The following SSBP3 variants were observed in gnomAD, a reference collection of about 807,000 sequenced individuals.
SSBP3 encodes single-stranded DNA-binding protein 3.
A neutral mutation model predicts 69.6 loss-of-function variants in SSBP3; 5 were observed. The observed-to-expected ratio is 0.07, with a 90% CI of 0.04 to 0.15. The LOEUF (loss-of-function observed/expected upper bound fraction) is 0.15, where lower values mean the gene tolerates loss of function less well. SSBP3 is among the 10% of genes least tolerant of loss of function. The pLI is 1.00. For synonymous variants in SSBP3, 196 were observed against 193.4 expected, an observed-to-expected ratio of 1.01 and a Z score of -0.11; for missense variants, 312 against 534.0, an observed-to-expected ratio of 0.58 and a Z score of 4.10.
intron 14 of SSBP3, among the ~76,000 whole-genome samples, chr1:54,232,207 T>G (rs1644391758): frequency 6.6e-6 from 1 of 152,220 alleles, no homozygotes; most frequent in Non-Finnish European, 1.5e-5. Context: ...TTGATATGTA[T>G]GAGGAAAAAT....
In SSBP3 at chr1:54,239,499, T is replaced by A. The variant is rs142781098; in HGVS notation, c.857-300A>T. On this transcript the variant is annotated intron_variant, in intron 13 of 17. Transcript: ENST00000610401. ...TCCCCAGACACTGCCTGGGACAACA[T>A]GGGGGCAGCAGAACCACCACCTGTG... Among the ~76,000 whole-genome samples, 593 of 152,098 alleles carry A rather than the reference T, an allele frequency of 3.9e-3. 4 individuals carry two copies. The highest frequency in any genetic ancestry group is 0.014 in the African/African-American group (562 of 41,442).
intron 4 of SSBP3, among the ~76,000 whole-genome samples, chr1:54,300,055 A>G (rs1281773999): frequency 6.6e-6 from 1 of 152,190 alleles, no homozygotes; most frequent in Non-Finnish European, 1.5e-5. Context: ...AATCAGTGAC[A>G]CCATCCAATC....
chr1:54,285,747 C>G (rs12092353), intron 4 of SSBP3, among the ~76,000 whole-genome samples: 11,955 of 152,152 alleles, frequency 0.079, 877 homozygotes, highest in African/African-American at 0.18. Context: ...AAAACCAAAA[C>G]CCCTGAAAAC....
At chr1:54,404,454 G>A (rs1649545805) in intron 3 of SSBP3, 122 bp downstream of exon 3, 15 of 1,215,942 alleles carry the variant, frequency 1.2e-5, no homozygotes, top group East Asian at 7.1e-5. Context: ...GAGGTGCCCC[G>A]CTCTGTGCAA....
chr1:54,400,725 C>T (rs1649235238), intron 4 of SSBP3, among the ~76,000 whole-genome samples: 1 of 152,252 alleles, frequency 6.6e-6, no homozygotes, highest in African/African-American at 2.4e-5. Flanking sequence ...CCACCTGAGT[C>T]TCTAACTCCT....
intron 5 of SSBP3, among the ~76,000 whole-genome samples, chr1:54,275,660 CACT>C (rs756899604): frequency 4.6e-5 from 7 of 152,240 alleles, no homozygotes; most frequent in Non-Finnish European, 7.3e-5. Flanking sequence ...TAGTTACCAC[CACT>C]GTCAAACAGC....
At chr1:54,227,411 G>A (rs940869812) in intron 17 of SSBP3, among the ~76,000 whole-genome samples, 1 of 152,116 alleles carries the variant, frequency 6.6e-6, no homozygotes, top group African/African-American at 2.4e-5. Context: ...TAAGGCAGCT[G>A]ACGGCGCCTC....
chr1:54,234,149 C>A (rs1031206494), intron 14 of SSBP3, among the ~76,000 whole-genome samples: 4 of 151,512 alleles, frequency 2.6e-5, no homozygotes, highest in African/African-American at 9.7e-5. Context: ...TTGAAGGCAG[C>A]ATGCTCGTTA....
chr1:54,273,599 C>T (rs1645233546), intron 5 of SSBP3, among the ~76,000 whole-genome samples: 1 of 152,238 alleles, frequency 6.6e-6, no homozygotes, highest in South Asian at 2.1e-4. Context: ...TCTTCCCTCT[C>T]CTCTGCCCCA....
Position 54,242,241 on chromosome 1 carries a change from A to G in SSBP3, c.717-29T>C, listed in dbSNP as rs115387950. 1.9e-3 allele frequency: 3,065 copies of G among 1,613,374 alleles called. 47 individuals are homozygous for G. In the African/African-American group the frequency reaches 0.035, roughly 18 times the overall value. ...AGAGAGGGAGAAAGAGATGTGGACA[A>G]TGAAAAAGGCGCTGTAAACTCCAAG... is the stretch of plus-strand genomic sequence containing the variant. On this transcript the variant is annotated intron_variant, in intron 10 of 17. Coordinates refer to ENST00000610401, the Ensembl canonical transcript of SSBP3.
chr1:54,263,192 C>T (rs1369473209), intron 5 of SSBP3, among the ~76,000 whole-genome samples: 1 of 152,150 alleles, frequency 6.6e-6, no homozygotes. Context: ...ACACTGACAG[C>T]GTGGGGAGCA....
chr1:54,232,888 C>T (rs1390157510), intron 14 of SSBP3, among the ~76,000 whole-genome samples: 2 of 152,276 alleles, frequency 1.3e-5, no homozygotes, highest in African/African-American at 2.4e-5. Context: ...CAGTGCTCAA[C>T]GGTGCCCAGG....
At chr1:54,298,464 C>T (rs1645740811) in intron 4 of SSBP3, among the ~76,000 whole-genome samples, 1 of 152,246 alleles carries the variant, frequency 6.6e-6, no homozygotes, top group Non-Finnish European at 1.5e-5. Flanking sequence ...TCAGTAAATA[C>T]AAACCACAGA....
chr1:54,383,444 C>A (rs901311197), intron 4 of SSBP3, among the ~76,000 whole-genome samples: 3 of 151,850 alleles, frequency 2.0e-5, no homozygotes, highest in African/African-American at 7.3e-5. Context: ...GTGGCTAGAC[C>A]CTCCCTGAAG....
intron 4 of SSBP3, among the ~76,000 whole-genome samples, chr1:54,393,757 A>C (rs1648662611): frequency 6.6e-6 from 1 of 152,136 alleles, no homozygotes; most frequent in Admixed American, 6.5e-5. Context: ...ATAAAGGCAT[A>C]CTTTATTTTT....
Position 54,228,219 on chromosome 1 carries a change from T to A in SSBP3, c.1137+36A>T, listed in dbSNP as rs770366367. ...TTGTTAGGAAAGAGTCCCCAGGCCG[T>A]GGGGACGAGAGCAACAGGCAGGGGG... On this transcript the variant is annotated intron_variant, in intron 17 of 17. Transcript: ENST00000610401. 3.8e-6 allele frequency: 6 copies of A among 1,590,230 alleles called. No homozygotes were observed. The Admixed American group carries it at 1.0e-4, about 27-fold the overall frequency.
rs184152553 is a variant in SSBP3 at position 54,303,253 on chromosome 1, T to C, written c.277-21726A>G. ...CCTCTGCCATGCAGCCTCTCCTGAC[T>C]ACCTCTCCCTCCTCCTTGGTGCTCC... is the stretch of plus-strand genomic sequence containing the variant. On this transcript the variant is annotated intron_variant, in intron 4 of 17. Transcript: ENST00000610401. Among the ~76,000 whole-genome samples, 167 of 150,916 alleles carry C rather than the reference T, an allele frequency of 1.1e-3. 1 individual carries two copies. Among genetic ancestry groups the C allele is most frequent in the Non-Finnish European group, 2.0e-3 (136 of 67,706 alleles).
intron 4 of SSBP3, among the ~76,000 whole-genome samples, chr1:54,320,938 C>G (rs967070492): frequency 1.3e-5 from 2 of 152,178 alleles, no homozygotes; most frequent in Non-Finnish European, 2.9e-5. Flanking sequence ...CTCTGGGAGG[C>G]AGGAAAGCTT....
At chr1:54,374,204 G>T (rs1358532134) in intron 4 of SSBP3, among the ~76,000 whole-genome samples, 1 of 152,226 alleles carries the variant, frequency 6.6e-6, no homozygotes, top group African/African-American at 2.4e-5. Flanking sequence ...AGACGCAGGT[G>T]CGCGGGAATG....
Sources: allele counts gnomAD v4.1 joint callset (sites outside exome capture counted in the v4.1 genomes callset), GRCh38; gene constraint gnomAD v4.1.1; transcripts MANE v1.5; gene names NCBI Gene and HGNC (gene_info 2026-07-23, HGNC 2026-07-21).